Variants in RNF150 observed in about 807,000 individuals in gnomAD.
RNF150 encodes the protein ring finger protein 150.
RNF150 carries 24 observed loss-of-function variants against 39.3 expected under a neutral mutation model. The ratio of observed to expected loss-of-function variants is 0.61; its 90% CI spans 0.44 to 0.86. The LOEUF (loss-of-function observed/expected upper bound fraction) is 0.86. Ranked by LOEUF, RNF150 falls within the 40% of genes least tolerant of loss-of-function variation. RNF150 has a pLI of 0.00. For synonymous variants in RNF150, 255 were observed against 227.3 expected, an observed-to-expected ratio of 1.12 and a Z score of -1.10; for missense variants, 502 against 587.8, an observed-to-expected ratio of 0.85 and a Z score of 1.51.
intron 1 of RNF150, among the ~76,000 whole-genome samples, chr4:141,036,421 CATTT>C: frequency 6.6e-6 from 1 of 152,242 alleles, no homozygotes; most frequent in Admixed American, 6.5e-5. Context: ...CCATCCGAAC[CATTT>C]TTAAGTGTGC....
At chr4:141,172,251 G>A (rs1185362525) in intron 1 of RNF150, among the ~76,000 whole-genome samples, 1 of 152,120 alleles carries the variant, frequency 6.6e-6, no homozygotes, top group Non-Finnish European at 1.5e-5. Context: ...CGCTGGCAGA[G>A]GTGCAAGAGG....
At chr4:141,207,256 T>C (rs551386451) in intron 1 of RNF150, among the ~76,000 whole-genome samples, 1 of 143,352 alleles carries the variant, frequency 7.0e-6, no homozygotes, top group East Asian at 2.0e-4. Flanking sequence ...AGAGATAAAT[T>C]AAAATAGAGA....
At chr4:140,900,536 G>A (rs934672568) in intron 6 of RNF150, among the ~76,000 whole-genome samples, 1 of 152,170 alleles carries the variant, frequency 6.6e-6, no homozygotes, top group Non-Finnish European at 1.5e-5. Flanking sequence ...TTCTGCTCAG[G>A]AACTAAAGTA....
intron 1 of RNF150, among the ~76,000 whole-genome samples, chr4:140,978,368 C>T (rs1019777012): frequency 1.3e-4 from 20 of 152,128 alleles, no homozygotes; most frequent in African/African-American, 4.8e-4. Context: ...AAAGGAGATG[C>T]TAACAATAGC....
At chr4:140,967,534 T>G in intron 2 of RNF150, 89 bp downstream of exon 2, 1 of 1,273,440 alleles carries the variant, frequency 7.9e-7, no homozygotes, top group Non-Finnish European at 1.1e-6. Context: ...ATATTTTGGT[T>G]TTGGCTTGGT....
chr4:140,864,997 A>G lies in RNF150; in HGVS notation c.*3264T>C, dbSNP rs729242. 0.28 allele frequency: 42,766 copies of G among 152,028 alleles called. 7,455 individuals are homozygous for G. The highest frequency in any genetic ancestry group is 0.49 in the African/African-American group (20,277 of 41,436). The allele number at this position is 152,028 out of a possible 1,614,324, so 9.4% of individuals were successfully genotyped here. On this transcript the variant is annotated 3_prime_UTR_variant, in exon 7 of 7. Transcript: ENST00000515673. Reference sequence around the variant, plus strand: ...TGTCCAGTTCTCCCTGGAGGTAATTAAGCTTTTAACCTTCTTTTCTTTTGT... The same window carrying G: ...TGTCCAGTTCTCCCTGGAGGTAATTGAGCTTTTAACCTTCTTTTCTTTTGT...
chr4:140,930,529 T>C (rs940468566), intron 4 of RNF150, among the ~76,000 whole-genome samples: 3 of 152,210 alleles, frequency 2.0e-5, no homozygotes, highest in Non-Finnish European at 2.9e-5. Flanking sequence ...ATTTGCTGCA[T>C]GAACAGATAT....
chr4:140,884,786 C>A (rs1387976713), intron 6 of RNF150, among the ~76,000 whole-genome samples: 1 of 152,118 alleles, frequency 6.6e-6, no homozygotes, highest in Non-Finnish European at 1.5e-5. Flanking sequence ...CTCCAAAAGT[C>A]AGAATATTAG....
intron 1 of RNF150, among the ~76,000 whole-genome samples, chr4:141,119,562 C>T (rs1355062687): frequency 6.6e-6 from 1 of 152,188 alleles, no homozygotes; most frequent in Non-Finnish European, 1.5e-5. Flanking sequence ...TAGAAAGTCC[C>T]CCTGCTGACA....
intron 1 of RNF150, among the ~76,000 whole-genome samples, chr4:141,100,662 T>C (rs927896588): frequency 3.9e-5 from 6 of 152,204 alleles, no homozygotes; most frequent in Non-Finnish European, 5.9e-5. Context: ...GAAGGAGATG[T>C]ACGTCATGTG....
At chr4:141,094,379 G>A (rs1022511193) in intron 1 of RNF150, among the ~76,000 whole-genome samples, 1 of 152,232 alleles carries the variant, frequency 6.6e-6, no homozygotes, top group African/African-American at 2.4e-5. Context: ...AGCAACAGTG[G>A]AAGCTGAAAG....
At chr4:141,059,420 T>C (rs1223671619) in intron 1 of RNF150, among the ~76,000 whole-genome samples, 2 of 152,212 alleles carry the variant, frequency 1.3e-5, no homozygotes, top group Non-Finnish European at 2.9e-5. Context: ...TTCTCTTGCC[T>C]ATTTGCTTTC....
At chr4:141,200,265 A>G (rs1728269535) in intron 1 of RNF150, among the ~76,000 whole-genome samples, 2 of 152,266 alleles carry the variant, frequency 1.3e-5, no homozygotes, top group East Asian at 3.9e-4. Flanking sequence ...GGAAAAGGTG[A>G]GAGAGTTCTC....
intron 1 of RNF150, among the ~76,000 whole-genome samples, chr4:141,182,920 A>G (rs1354435499): frequency 6.6e-6 from 1 of 151,144 alleles, no homozygotes; most frequent in Non-Finnish European, 1.5e-5. Flanking sequence ...ACACTACCTG[A>G]CTTCAAACTA....
At chr4:141,036,420 C>A (rs1736149535) in intron 1 of RNF150, among the ~76,000 whole-genome samples, 1 of 152,150 alleles carries the variant, frequency 6.6e-6, no homozygotes, top group African/African-American at 2.4e-5. Context: ...ACCATCCGAA[C>A]CATTTTTAAG....
At chr4:141,131,921 G>T (rs1047622540) in intron 1 of RNF150, among the ~76,000 whole-genome samples, 4 of 152,090 alleles carry the variant, frequency 2.6e-5, no homozygotes, top group Non-Finnish European at 5.9e-5. Context: ...CTGCATCAGG[G>T]TATACCTGAT....
At chr4:141,124,853 C>A (rs1277280529) in intron 1 of RNF150, among the ~76,000 whole-genome samples, 1 of 152,176 alleles carries the variant, frequency 6.6e-6, no homozygotes, top group Non-Finnish European at 1.5e-5. Flanking sequence ...ACAAACCAAA[C>A]ATTTAATACA....
At chr4:141,080,908 G>A (rs780202504) in intron 1 of RNF150, among the ~76,000 whole-genome samples, 4 of 152,222 alleles carry the variant, frequency 2.6e-5, no homozygotes, top group African/African-American at 7.2e-5. Context: ...AGGAACAGCC[G>A]GTGGGCCGAA....
intron 1 of RNF150, among the ~76,000 whole-genome samples, chr4:141,040,140 C>A (rs952231479): frequency 2.0e-5 from 3 of 149,190 alleles, no homozygotes; most frequent in Non-Finnish European, 4.5e-5. Context: ...TGGAAGACTG[C>A]AAGAACCCCG....
Sources: gnomAD v4.1 joint callset for allele counts (sites outside exome capture counted in the v4.1 genomes callset) on GRCh38, gnomAD v4.1.1 for gene constraint, MANE v1.5 for transcripts, NCBI Gene and HGNC (gene_info 2026-07-23, HGNC 2026-07-21) for gene names.